LIMD1: variants seen among roughly 807,000 people sequenced by gnomAD.
LIMD1 encodes the protein LIM domain-containing protein 1.
Under a neutral mutation model 58.4 loss-of-function variants are expected in LIMD1, and 23 were observed. The observed-to-expected ratio is 0.39, with a 90% CI of 0.28 to 0.56. LIMD1 has a LOEUF of 0.56. Among genes scored for constraint, LIMD1 ranks in the 20% least tolerant of loss-of-function variants. The pLI is 0.57. For missense variants in LIMD1, 838 were observed against 855.5 expected, an observed-to-expected ratio of 0.98 and a Z score of 0.25; for synonymous variants, 334 against 345.5, an observed-to-expected ratio of 0.97 and a Z score of 0.37.
intron 1 of LIMD1, among the ~76,000 whole-genome samples, chr3:45,610,517 C>T (rs1215151773): frequency 5.9e-5 from 9 of 152,114 alleles, no homozygotes; most frequent in Non-Finnish European, 8.8e-5. Flanking sequence ...CAAAGGCCTG[C>T]GCAGGTTTGG....
At chr3:45,615,118 C>T (rs1364097051) in intron 1 of LIMD1, among the ~76,000 whole-genome samples, 5 of 151,972 alleles carry the variant, frequency 3.3e-5, no homozygotes, top group African/African-American at 1.2e-4. Flanking sequence ...CTATGTGACA[C>T]GGGAGCCCTC....
chr3:45,674,530 G>T lies in LIMD1; in HGVS notation c.1893+119G>T, dbSNP rs1697642196. 4 of 711,328 alleles carry T rather than the reference G, an allele frequency of 5.6e-6. No homozygotes were observed. The South Asian group carries it at 7.0e-5, about 12-fold the overall frequency. The allele number at this position is 711,328 out of a possible 1,614,324, so 44.1% of individuals were successfully genotyped here. On this transcript the variant is annotated intron_variant, in intron 7 of 7. Coordinates refer to ENST00000273317, the MANE Select transcript of LIMD1 (RefSeq NM_014240.3). ...TTCTGGCAAGGGTCAGCCCTCTAGA[G>T]CTTCTGTAGGAAATGGAATGAAGGC...
At chr3:45,653,999 G>A (rs1450082279) in intron 2 of LIMD1, among the ~76,000 whole-genome samples, 3 of 151,406 alleles carry the variant, frequency 2.0e-5, no homozygotes, top group South Asian at 2.1e-4. Context: ...AATTTTGTGC[G>A]ATGATGCAGA....
intron 1 of LIMD1, among the ~76,000 whole-genome samples, chr3:45,609,458 C>T (rs1419605800): frequency 6.6e-6 from 1 of 152,202 alleles, no homozygotes; most frequent in Non-Finnish European, 1.5e-5. Context: ...GTCCTCTTGC[C>T]TCAGCCTCCC....
chr3:45,640,722 T>G (rs4234450), intron 2 of LIMD1, among the ~76,000 whole-genome samples: 111,582 of 152,196 alleles, frequency 0.73, 42,228 homozygotes, highest in East Asian at 0.97. Flanking sequence ...GAGCCACCAC[T>G]CCCAACCCTT....
chr3:45,677,061 CAG>C lies in LIMD1; in HGVS notation c.*5_*6del. 2 of 1,613,038 alleles carry C rather than the reference CAG, an allele frequency of 1.2e-6. No individual in the cohort carries two copies. Among genetic ancestry groups the C allele is most frequent in the Non-Finnish European group, 1.7e-6 (2 of 1,179,724 alleles). The stretch of plus-strand genomic sequence containing the variant: ...GCCCTTCACCAGCACCACTTCTAGC[CAG>C]AGCCACTTGCAGACATCACGGCAGG... On this transcript the variant is annotated 3_prime_UTR_variant, in exon 8 of 8. Coordinates refer to ENST00000273317, the MANE Select transcript of LIMD1 (RefSeq NM_014240.3).
intron 4 of LIMD1, among the ~76,000 whole-genome samples, chr3:45,669,205 A>C (rs1284698968): frequency 1.3e-5 from 2 of 152,138 alleles, no homozygotes; most frequent in African/African-American, 2.4e-5. Flanking sequence ...CAGTGGGGAC[A>C]ATTTTTCCCT....
chr3:45,614,383 C>T (rs945896231), intron 1 of LIMD1, among the ~76,000 whole-genome samples: 6 of 147,876 alleles, frequency 4.1e-5, no homozygotes, highest in Admixed American at 6.8e-5. Context: ...AAAAATTAGC[C>T]GGGCGTGGTG....
chr3:45,604,085 A>C (rs1205962696), intron 1 of LIMD1, among the ~76,000 whole-genome samples: 1 of 152,236 alleles, frequency 6.6e-6, no homozygotes, highest in Non-Finnish European at 1.5e-5. Context: ...AAAACTTGGA[A>C]AATGTAAAAA....
chr3:45,597,580 T>A (rs1344381569), intron 1 of LIMD1, among the ~76,000 whole-genome samples: 1 of 152,250 alleles, frequency 6.6e-6, no homozygotes, highest in African/African-American at 2.4e-5. Context: ...ATAAGAGAGC[T>A]AACTAGAAAG....
intron 2 of LIMD1, among the ~76,000 whole-genome samples, chr3:45,664,548 C>T (rs1172947437): frequency 1.3e-5 from 2 of 152,206 alleles, no homozygotes; most frequent in African/African-American, 2.4e-5. Context: ...GATCTGGTAG[C>T]AACGACCACC....
At chr3:45,632,015 T>C (rs1701738870) in intron 1 of LIMD1, among the ~76,000 whole-genome samples, 1 of 152,224 alleles carries the variant, frequency 6.6e-6, no homozygotes, top group Admixed American at 6.5e-5. Context: ...GCTGAGTCCC[T>C]GTGCCCCTCT....
chr3:45,649,549 C>T (rs1384317497), intron 2 of LIMD1, among the ~76,000 whole-genome samples: 57 of 150,690 alleles, frequency 3.8e-4, no homozygotes, highest in African/African-American at 1.3e-3. Context: ...GGCATGGTGG[C>T]GGGTGCCTGT....
At chr3:45,619,589 A>G (rs1701610846) in intron 1 of LIMD1, among the ~76,000 whole-genome samples, 1 of 152,194 alleles carries the variant, frequency 6.6e-6, no homozygotes, top group Admixed American at 6.6e-5. Context: ...ACCTGAGGTC[A>G]GGAGTCTGAG....
chr3:45,644,004 T>G (rs1701875289), intron 2 of LIMD1, among the ~76,000 whole-genome samples: 1 of 152,226 alleles, frequency 6.6e-6, no homozygotes, highest in Non-Finnish European at 1.5e-5. Context: ...AAAAACCGAA[T>G]GTCCATGGCT....
Position 45,595,615 on chromosome 3 carries a change from GGT to G in LIMD1, c.737_738del (p.Gly246AlafsTer3). ...CAGGTCTTCTGAGGGTAGCCTCGGT[GGT>G]CAGAATAGTGGCATTGGTGGCCGCA... ...SSRSSEGSLG[G>X]QNSGIGGRSS... On this transcript the variant is annotated frameshift_variant, in exon 1 of 8. Coordinates refer to ENST00000273317, the MANE Select transcript of LIMD1 (RefSeq NM_014240.3). LOFTEE classifies it high-confidence loss of function. 6.2e-7 allele frequency: 1 copy of G among 1,614,010 alleles called. No homozygotes were observed. The highest frequency in any genetic ancestry group is 8.5e-7 in the Non-Finnish European group (1 of 1,179,994).
intron 1 of LIMD1, among the ~76,000 whole-genome samples, chr3:45,613,376 A>G (rs887819509): frequency 6.6e-6 from 1 of 152,238 alleles, no homozygotes; most frequent in Non-Finnish European, 1.5e-5. Context: ...TGACTGATTC[A>G]GTATTCTTGC....
chr3:45,625,809 T>G (rs1028029446), intron 1 of LIMD1, among the ~76,000 whole-genome samples: 24 of 152,182 alleles, frequency 1.6e-4, no homozygotes, highest in African/African-American at 5.8e-4. Context: ...CTTCCCAGCC[T>G]CTAGAACTGT....
intron 1 of LIMD1, among the ~76,000 whole-genome samples, chr3:45,627,193 T>G (rs2125655698): frequency 6.6e-6 from 1 of 152,244 alleles, no homozygotes; most frequent in African/African-American, 2.4e-5. Flanking sequence ...GGAGCTATGC[T>G]GCCATCACTG....
Sources: gnomAD v4.1 joint callset for allele counts (sites outside exome capture counted in the v4.1 genomes callset) on GRCh38, gnomAD v4.1.1 for gene constraint, MANE v1.5 for transcripts, NCBI Gene and HGNC (gene_info 2026-07-23, HGNC 2026-07-21) for gene names.